Variants in TBC1D22A observed in about 807,000 individuals in gnomAD.
TBC1D22A encodes the protein TBC1 domain family member 22A.
A neutral mutation model predicts 60.2 loss-of-function variants in TBC1D22A; 38 were observed. The ratio of observed to expected loss-of-function variants is 0.63; its 90% CI spans 0.49 to 0.83. TBC1D22A has a LOEUF of 0.83. Among genes scored for constraint, TBC1D22A ranks in the 40% least tolerant of loss-of-function variants. The pLI, the probability that TBC1D22A is intolerant of heterozygous loss-of-function variation, is 0.00. For missense variants in TBC1D22A, 628 were observed against 701.0 expected (o/e 0.90, Z 1.18); for synonymous variants, 302 against 281.7 (o/e 1.07, Z -0.72).
At chr22:47,040,916 C>T (rs1336393634) in intron 11 of TBC1D22A, among the ~76,000 whole-genome samples, 2 of 152,104 alleles carry the variant, frequency 1.3e-5, no homozygotes. Context: ...GTGAAGGCCA[C>T]CTCTCGTTTG....
intron 12 of TBC1D22A, among the ~76,000 whole-genome samples, chr22:47,123,298 C>T (rs565874235): frequency 6.6e-4 from 101 of 152,312 alleles, no homozygotes; most frequent in South Asian, 8.3e-4. Flanking sequence ...GTGAAGCCCC[C>T]TTGCTGTGCT....
chr22:47,109,889 C>T (rs1008794477), intron 11 of TBC1D22A, among the ~76,000 whole-genome samples: 10 of 152,080 alleles, frequency 6.6e-5, no homozygotes, highest in African/African-American at 1.2e-4. Flanking sequence ...TTCTGATGAC[C>T]GTGGTCCCCT....
chr22:46,819,383 T>G (rs2085733600), intron 4 of TBC1D22A, among the ~76,000 whole-genome samples: 1 of 152,160 alleles, frequency 6.6e-6, no homozygotes, highest in South Asian at 2.1e-4. Context: ...CATAAATAGC[T>G]CTTATTATTT....
At chr22:47,076,833 A>G (rs1388067678) in intron 11 of TBC1D22A, among the ~76,000 whole-genome samples, 2 of 152,186 alleles carry the variant, frequency 1.3e-5, no homozygotes, top group Admixed American at 1.3e-4. Context: ...GTAGAGGTAG[A>G]CATCTGTGGG....
chr22:47,130,524 C>T (rs1025931459), intron 12 of TBC1D22A, among the ~76,000 whole-genome samples: 3 of 152,316 alleles, frequency 2.0e-5, no homozygotes, highest in East Asian at 3.9e-4. Flanking sequence ...GCCACTTCCT[C>T]GCAGGCTTCG....
intron 4 of TBC1D22A, among the ~76,000 whole-genome samples, chr22:46,809,412 A>G (rs1376337047): frequency 6.6e-6 from 1 of 152,220 alleles, no homozygotes; most frequent in Non-Finnish European, 1.5e-5. Context: ...GTCTCTAGAC[A>G]CAGTCACGCT....
chr22:46,978,670 TG>T (rs1375549028), intron 9 of TBC1D22A, among the ~76,000 whole-genome samples: 14 of 152,202 alleles, frequency 9.2e-5, no homozygotes. Flanking sequence ...AGGGCAGTGG[TG>T]CGATCTCAGT....
At chr22:46,869,310 C>T (rs975577366) in intron 4 of TBC1D22A, among the ~76,000 whole-genome samples, 2 of 152,230 alleles carry the variant, frequency 1.3e-5, no homozygotes, top group African/African-American at 4.8e-5. Flanking sequence ...ACTCACTGTA[C>T]CTTGCATTCC....
chr22:46,822,850 G>A (rs9627577), intron 4 of TBC1D22A, among the ~76,000 whole-genome samples: 1,532 of 152,192 alleles, frequency 0.01, 23 homozygotes, highest in African/African-American at 0.035. Context: ...CCAAATGAAG[G>A]GGCCCTACTT....
intron 4 of TBC1D22A, among the ~76,000 whole-genome samples, chr22:46,868,813 C>T (rs776855236): frequency 3.3e-5 from 5 of 152,180 alleles, no homozygotes; most frequent in Non-Finnish European, 5.9e-5. Context: ...CATTGGGATT[C>T]ATTGTTTGTG....
At chr22:46,931,573 C>T (rs1201286300) in intron 8 of TBC1D22A, among the ~76,000 whole-genome samples, 1 of 152,196 alleles carries the variant, frequency 6.6e-6, no homozygotes, top group Non-Finnish European at 1.5e-5. Flanking sequence ...TCACCCAAGT[C>T]GGCCACAGCC....
chr22:46,846,244 G>A (rs546870547), intron 4 of TBC1D22A, among the ~76,000 whole-genome samples: 14 of 152,300 alleles, frequency 9.2e-5, no homozygotes, highest in African/African-American at 3.4e-4. Flanking sequence ...ACAGGCAATA[G>A]CTGTTGTGAT....
At chr22:47,163,185 A>G (rs927477977) in intron 12 of TBC1D22A, among the ~76,000 whole-genome samples, 2 of 151,852 alleles carry the variant, frequency 1.3e-5, no homozygotes, top group Non-Finnish European at 2.9e-5. Context: ...CCCCACCCAG[A>G]CAGAGGGACA....
chr22:46,854,280 T>C (rs1039619528), intron 4 of TBC1D22A, among the ~76,000 whole-genome samples: 1 of 152,110 alleles, frequency 6.6e-6, no homozygotes, highest in African/African-American at 2.4e-5. Flanking sequence ...ATTTGTAAAA[T>C]GGGGATGGGA....
chr22:47,156,650 C>G (rs2067730209), intron 12 of TBC1D22A, among the ~76,000 whole-genome samples: 1 of 152,154 alleles, frequency 6.6e-6, no homozygotes. Context: ...CCCCTCCCTG[C>G]ACCCTTCTCC....
At chr22:46,780,436 A>G (rs1166312725) in intron 1 of TBC1D22A, among the ~76,000 whole-genome samples, 1 of 149,782 alleles carries the variant, frequency 6.7e-6, no homozygotes, top group Non-Finnish European at 1.5e-5. Flanking sequence ...TTTAACCTTC[A>G]ATTAAAAAAA....
At chr22:46,802,463 G>C (rs2084938924) in intron 4 of TBC1D22A, among the ~76,000 whole-genome samples, 1 of 152,242 alleles carries the variant, frequency 6.6e-6, no homozygotes, top group Admixed American at 6.5e-5. Flanking sequence ...GAGGTGCAAA[G>C]GTCCTGCGGG....
intron 4 of TBC1D22A, among the ~76,000 whole-genome samples, chr22:46,874,527 C>CT (rs886946202): frequency 1.9e-4 from 23 of 118,960 alleles, no homozygotes; most frequent in African/African-American, 6.7e-4. Flanking sequence ...TGATGTTGAG[C>CT]TTTTTTTCAT....
intron 1 of TBC1D22A, 136 bp downstream of exon 1, chr22:46,762,984 A>C: frequency 1.3e-6 from 1 of 761,872 alleles, no homozygotes; most frequent in Non-Finnish European, 1.9e-6. Context: ...GGATGGTGTG[A>C]CGGGCGTTGG....
Sources: gnomAD v4.1 joint callset for allele counts (sites outside exome capture counted in the v4.1 genomes callset) on GRCh38, gnomAD v4.1.1 for gene constraint, MANE v1.5 for transcripts, NCBI Gene and HGNC (gene_info 2026-07-23, HGNC 2026-07-21) for gene names.